Variants in PLEKHA5 observed in about 807,000 individuals in gnomAD.
PLEKHA5 encodes pleckstrin homology domain-containing family A member 5.
A neutral mutation model predicts 181.9 loss-of-function variants in PLEKHA5; 55 were observed. The ratio of observed to expected loss-of-function variants is 0.30; its 90% CI spans 0.24 to 0.38. PLEKHA5 has a LOEUF of 0.38. PLEKHA5 is among the 10% of genes least tolerant of loss of function. The pLI, the probability that PLEKHA5 is intolerant of heterozygous loss-of-function variation, is 1.00. For synonymous variants in PLEKHA5, 535 were observed against 529.4 expected (o/e 1.01, Z -0.15); for missense variants, 1,432 against 1,549.5 (o/e 0.92, Z 1.27).
chr12:19,228,618 C>T (rs1441521621), intron 3 of PLEKHA5, among the ~76,000 whole-genome samples: 7 of 152,154 alleles, frequency 4.6e-5, no homozygotes, highest in African/African-American at 1.4e-4. Flanking sequence ...GGCACAGAGA[C>T]GTACAATAGT....
intron 7 of PLEKHA5, among the ~76,000 whole-genome samples, chr12:19,263,204 G>A (rs889805631): frequency 6.6e-6 from 1 of 152,014 alleles, no homozygotes; most frequent in Non-Finnish European, 1.5e-5. Flanking sequence ...TATTTGTTGA[G>A]TACTGTGCTG....
At chr12:19,302,053 G>C (rs1220255519) in intron 15 of PLEKHA5, among the ~76,000 whole-genome samples, 1 of 152,180 alleles carries the variant, frequency 6.6e-6, no homozygotes, top group African/African-American at 2.4e-5. Context: ...CACATCTTAA[G>C]AGCTTATTGA....
intron 3 of PLEKHA5, among the ~76,000 whole-genome samples, chr12:19,186,262 G>A (rs2049839458): frequency 6.6e-6 from 1 of 152,196 alleles, no homozygotes; most frequent in Non-Finnish European, 1.5e-5. Flanking sequence ...TGTTTGATGG[G>A]TGGTACCATT....
intron 3 of PLEKHA5, among the ~76,000 whole-genome samples, chr12:19,172,349 G>A (rs1031943747): frequency 6.6e-6 from 1 of 150,870 alleles, no homozygotes; most frequent in Non-Finnish European, 1.5e-5. Flanking sequence ...TGACCAAAAT[G>A]TCATTATGTG....
chr12:19,156,051 TAAA>T (rs1191007160), intron 3 of PLEKHA5, among the ~76,000 whole-genome samples: 1 of 152,226 alleles, frequency 6.6e-6, no homozygotes, highest in Non-Finnish European at 1.5e-5. Flanking sequence ...TTATTTGTGT[TAAA>T]AAGTAGTTTC....
rs992980927 is a variant in PLEKHA5 at position 19,150,658 on chromosome 12, TAAAC to T, written c.227+18211_227+18214del. ...AACATTTGTAATAAATATTTTGTAATAAACAAGTCAGCAGTTTGTTAAAATACAG... is the reference window on the plus strand; with the variant it reads ...AACATTTGTAATAAATATTTTGTAATAAGTCAGCAGTTTGTTAAAATACAG... On this transcript the variant is annotated intron_variant, in intron 3 of 31. Transcript: ENST00000429027. 1.2e-4 allele frequency: 19 copies of T among 152,348 alleles called. No homozygotes were observed. The East Asian group carries it at 2.9e-3, about 23-fold the overall frequency. 9.4% of individuals were successfully genotyped at this position (152,348 alleles called of 1,614,324 possible). A position where few individuals can be genotyped will look rare whatever the true frequency, so the allele number is the denominator to read the frequency against.
At chr12:19,291,890 G>A (rs568496066) in intron 15 of PLEKHA5, among the ~76,000 whole-genome samples, 193 bp downstream of exon 15, 222 of 152,322 alleles carry the variant, frequency 1.5e-3, no homozygotes, top group Non-Finnish European at 2.9e-3. Flanking sequence ...GACAGGTGTG[G>A]AGGTAAAGAG....
rs1214177022 is a variant in PLEKHA5, at chr12:19,130,326, C to T, written c.169+196C>T. Among the ~76,000 whole-genome samples, 1 of 151,942 alleles carries T rather than the reference C, an allele frequency of 6.6e-6. No individual in the cohort carries two copies. The highest frequency in any genetic ancestry group is 1.5e-5 in the Non-Finnish European group (1 of 67,928). On this transcript the variant is annotated intron_variant, in intron 2 of 31. Coordinates refer to ENST00000429027, the MANE Select transcript of PLEKHA5 (RefSeq NM_001256470.2). The surrounding 1 kb of genome is among the most constrained non-coding windows in gnomAD (Gnocchi z 4.5). ...GGGAGTTCTCTCCAGTCTCGGGGCG[C>T]CTCTTTCTCCTCAGCCTTTCATCAG...
chr12:19,137,678 G>T (rs2036055226), intron 3 of PLEKHA5, among the ~76,000 whole-genome samples: 1 of 152,140 alleles, frequency 6.6e-6, no homozygotes, highest in South Asian at 2.1e-4. Context: ...TGTTGTTGTT[G>T]TCTCTTTCGT....
chr12:19,248,794 A>G (rs969932938), intron 3 of PLEKHA5, among the ~76,000 whole-genome samples: 1 of 152,202 alleles, frequency 6.6e-6, no homozygotes, highest in Non-Finnish European at 1.5e-5. Context: ...AACAAAATGT[A>G]TTACCATAGT....
chr12:19,185,933 C>T (rs1188925181), intron 3 of PLEKHA5, among the ~76,000 whole-genome samples: 2 of 152,162 alleles, frequency 1.3e-5, no homozygotes, highest in African/African-American at 4.8e-5. Flanking sequence ...AGAATTAACA[C>T]ATTTATCTTC....
chr12:19,286,338 G>T (rs1159281532), intron 12 of PLEKHA5, among the ~76,000 whole-genome samples: 1 of 152,202 alleles, frequency 6.6e-6, no homozygotes, highest in Non-Finnish European at 1.5e-5. Flanking sequence ...TAAGGTTTCA[G>T]ATATCACTTT....
rs1279349669 is a variant in PLEKHA5 at position 19,130,429 on chromosome 12, G to A, written c.169+299G>A. ...ACGACCCTCGCGACCCTAGAGTGGC[G>A]ACGCTCCCCTCCCTGAAACCTGGAG... On this transcript the variant is annotated intron_variant, in intron 2 of 31. Transcript: ENST00000429027. The surrounding 1 kb of genome is among the most constrained non-coding windows in gnomAD (Gnocchi z 4.5). Among the ~76,000 whole-genome samples the A allele has an allele frequency of 6.6e-6, 1 of 151,596 alleles. No individual in the cohort carries two copies. The highest frequency in any genetic ancestry group is 2.4e-5 in the African/African-American group (1 of 41,258).
chr12:19,339,878 G>C (rs1565636378), intron 21 of PLEKHA5, among the ~76,000 whole-genome samples: 1 of 152,100 alleles, frequency 6.6e-6, no homozygotes, highest in Non-Finnish European at 1.5e-5. Context: ...ATAAAACCAG[G>C]CATATAAAAC....
chr12:19,237,581 G>T (rs773842847), intron 3 of PLEKHA5, among the ~76,000 whole-genome samples: 1 of 151,702 alleles, frequency 6.6e-6, no homozygotes. Context: ...AATTATTTGG[G>T]CCATATCAGT....
chr12:19,223,400 A>G (rs1022984534), intron 3 of PLEKHA5, among the ~76,000 whole-genome samples: 4 of 152,080 alleles, frequency 2.6e-5, no homozygotes, highest in Non-Finnish European at 5.9e-5. Flanking sequence ...GAATGTTTAT[A>G]TAGTTGTTTT....
At chr12:19,346,892 G>T in intron 23 of PLEKHA5, 102 bp from the exon 24 acceptor site, 2 of 736,182 alleles carry the variant, frequency 2.7e-6, no homozygotes, top group South Asian at 3.6e-5. Context: ...GTCCCTTTTA[G>T]TATCTTAAAG....
chr12:19,160,700 A>AT lies in PLEKHA5; in HGVS notation c.227+28252dup, dbSNP rs543830585. Among the ~76,000 whole-genome samples, 26 of 152,252 alleles carry AT rather than the reference A, an allele frequency of 1.7e-4. No homozygotes were observed. In the East Asian group the frequency reaches 5.0e-3, roughly 29 times the overall value. On this transcript the variant is annotated intron_variant, in intron 3 of 31. Transcript: ENST00000429027. The stretch of plus-strand genomic sequence containing the variant: ...AGTTATTATTAGAAAAGCTATATGT[A>AT]TTGATGATAATTCCCCTGCCTTTTC...
At chr12:19,341,458 T>G (rs2093920021) in intron 21 of PLEKHA5, among the ~76,000 whole-genome samples, 1 of 152,128 alleles carries the variant, frequency 6.6e-6, no homozygotes, top group African/African-American at 2.4e-5. Flanking sequence ...TGCAAGGATC[T>G]GTTATTTATA....
Sources: gnomAD v4.1 joint callset for allele counts (sites outside exome capture counted in the v4.1 genomes callset) on GRCh38, gnomAD v4.1.1 for gene constraint, Gnocchi (gnomAD v3.1) non-coding constraint, MANE v1.5 for transcripts, NCBI Gene and HGNC (gene_info 2026-07-23, HGNC 2026-07-21) for gene names.